Variants in PPP1R14C observed in about 807,000 individuals in gnomAD.
The protein encoded by PPP1R14C is protein phosphatase 1 regulatory subunit 14C.
Under a neutral mutation model 20.4 loss-of-function variants are expected in PPP1R14C, and 16 were observed. That is an observed-to-expected ratio of 0.78 (90% CI 0.53 to 1.19). PPP1R14C has a LOEUF of 1.19. PPP1R14C is among the 50% of genes most tolerant of loss of function. PPP1R14C has a pLI of 0.00. For synonymous variants in PPP1R14C, 91 were observed against 91.0 expected (o/e 1.00, Z 0.00); for missense variants, 211 against 220.1 (o/e 0.96, Z 0.26).
chr6:150,200,874 G>A (rs989430351), intron 1 of PPP1R14C, among the ~76,000 whole-genome samples: 5 of 152,120 alleles, frequency 3.3e-5, no homozygotes, highest in Non-Finnish European at 7.3e-5. Flanking sequence ...GAGTTTCCTG[G>A]GCTCCAGCTG....
chr6:150,209,492 G>A (rs925552855), intron 1 of PPP1R14C, among the ~76,000 whole-genome samples: 2 of 152,028 alleles, frequency 1.3e-5, no homozygotes, highest in African/African-American at 4.8e-5. Flanking sequence ...GTGTATTCAT[G>A]TGTGTGTATG....
rs372921042 is a variant in PPP1R14C, at chr6:150,201,489, G to A, written c.307-13255G>A. ...CTGGGGAGTGTCCTGAGGGATCGGA[G>A]GAGACCAGCGGAGTTAGAGCTCAGG... On this transcript the variant is annotated intron_variant, in intron 1 of 3. Transcript: ENST00000361131. The surrounding 1 kb of genome is among the most constrained non-coding windows in gnomAD (Gnocchi z 4.2). Among the ~76,000 whole-genome samples the A allele has an allele frequency of 2.8e-3, 419 of 152,330 alleles. 2 individuals carry two copies. Among genetic ancestry groups the A allele is most frequent in the Non-Finnish European group, 4.7e-3 (321 of 68,040 alleles).
At chr6:150,239,947 G>A (rs1304620373) in intron 3 of PPP1R14C, among the ~76,000 whole-genome samples, 3 of 152,062 alleles carry the variant, frequency 2.0e-5, no homozygotes, top group Non-Finnish European at 4.4e-5. Context: ...CCAGCTACTC[G>A]GGAGGCTGAG....
intron 1 of PPP1R14C, among the ~76,000 whole-genome samples, chr6:150,212,865 T>C (rs962704031): frequency 6.6e-6 from 1 of 152,240 alleles, no homozygotes; most frequent in Non-Finnish European, 1.5e-5. Context: ...GGCTGTGCTA[T>C]ACAGCCTGGG....
At chr6:150,174,271 G>C (rs555144791) in intron 1 of PPP1R14C, among the ~76,000 whole-genome samples, 82 of 152,278 alleles carry the variant, frequency 5.4e-4, no homozygotes, top group Admixed American at 2.0e-3. Flanking sequence ...CCAGGCTGGA[G>C]TGCAGTGGTG....
At chr6:150,248,034 G>A (rs1778514709) in intron 3 of PPP1R14C, among the ~76,000 whole-genome samples, 1 of 152,150 alleles carries the variant, frequency 6.6e-6, no homozygotes, top group Non-Finnish European at 1.5e-5. Flanking sequence ...GCTGCGTCAT[G>A]TCATGGTGGA....
At chr6:150,236,098 G>C (rs1778356670) in intron 3 of PPP1R14C, among the ~76,000 whole-genome samples, 1 of 152,164 alleles carries the variant, frequency 6.6e-6, no homozygotes, top group South Asian at 2.1e-4. Context: ...GATCATCCCA[G>C]GTCCCTTTGG....
At chr6:150,223,515 C>T (rs972147608) in intron 3 of PPP1R14C, among the ~76,000 whole-genome samples, 5 of 152,184 alleles carry the variant, frequency 3.3e-5, no homozygotes, top group African/African-American at 1.2e-4. Flanking sequence ...TTAGTGTTGT[C>T]ATTGTTCTGG....
chr6:150,209,572 G>A (rs774788568), intron 1 of PPP1R14C, among the ~76,000 whole-genome samples: 3 of 151,754 alleles, frequency 2.0e-5, no homozygotes, highest in Non-Finnish European at 4.4e-5. Flanking sequence ...TCATCTGTGT[G>A]TATGTTTGTG....
chr6:150,203,801 G>A (rs1248389073), intron 1 of PPP1R14C, among the ~76,000 whole-genome samples: 2 of 152,154 alleles, frequency 1.3e-5, no homozygotes, highest in Non-Finnish European at 2.9e-5. Flanking sequence ...CCTTTCCACT[G>A]CAAATCTGGA....
rs958421642 is a variant in PPP1R14C at position 150,249,538 on chromosome 6, T to C, written c.*718T>C. 2 of 398,538 alleles carry C rather than the reference T, an allele frequency of 5.0e-6. No homozygotes were observed. The highest frequency in any genetic ancestry group is 8.8e-6 in the Non-Finnish European group (2 of 226,086). 24.7% of individuals were successfully genotyped at this position (398,538 alleles called of 1,614,324 possible). A position where few individuals can be genotyped will look rare whatever the true frequency, so the allele number is the denominator to read the frequency against. On this transcript the variant is annotated 3_prime_UTR_variant, in exon 4 of 4. Coordinates refer to ENST00000361131, the MANE Select transcript of PPP1R14C (RefSeq NM_030949.3). ...TCATTGGTTGGGATGCTTTGCCAGG[T>C]CATGTGCTTATTGTCTCATTTTGTA...
intron 2 of PPP1R14C, among the ~76,000 whole-genome samples, chr6:150,215,085 G>A (rs1401000007): frequency 1.3e-5 from 2 of 152,162 alleles, no homozygotes; most frequent in Non-Finnish European, 2.9e-5. Flanking sequence ...CATTTTCTTG[G>A]GAGAAACAGC....
chr6:150,164,240 G>T (rs933026747), intron 1 of PPP1R14C, among the ~76,000 whole-genome samples: 11 of 152,068 alleles, frequency 7.2e-5, no homozygotes, highest in Admixed American at 3.3e-4. Flanking sequence ...TTTGGGTTTG[G>T]GTTGTCTTTT....
chr6:150,199,841 C>G (rs1777854687), intron 1 of PPP1R14C, among the ~76,000 whole-genome samples: 1 of 150,290 alleles, frequency 6.7e-6, no homozygotes, highest in African/African-American at 2.5e-5. Flanking sequence ...TGTATTATAG[C>G]CTGGGTGACA....
chr6:150,233,645 C>T (rs1778319075), intron 3 of PPP1R14C, among the ~76,000 whole-genome samples: 1 of 152,210 alleles, frequency 6.6e-6, no homozygotes, highest in Admixed American at 6.5e-5. Context: ...CCCCTCCCAT[C>T]ACATGGTTCC....
At chr6:150,200,042 C>A (rs1355729048) in intron 1 of PPP1R14C, among the ~76,000 whole-genome samples, 1 of 152,154 alleles carries the variant, frequency 6.6e-6, no homozygotes, top group Non-Finnish European at 1.5e-5. Flanking sequence ...GGGTGCTTCA[C>A]ACTTTAATTT....
chr6:150,210,428 G>A (rs1481514538), intron 1 of PPP1R14C, among the ~76,000 whole-genome samples: 3 of 152,134 alleles, frequency 2.0e-5, no homozygotes, highest in African/African-American at 4.8e-5. Flanking sequence ...ATTTTTGCCA[G>A]GATCATCTTC....
chr6:150,172,911 C>T (rs2114870882), intron 1 of PPP1R14C, among the ~76,000 whole-genome samples: 1 of 152,174 alleles, frequency 6.6e-6, no homozygotes, highest in East Asian at 1.9e-4. Context: ...GTCTTCCCAT[C>T]AGCCATGCTG....
chr6:150,206,764 C>T (rs918607947), intron 1 of PPP1R14C, among the ~76,000 whole-genome samples: 12 of 152,062 alleles, frequency 7.9e-5, no homozygotes, highest in Non-Finnish European at 1.6e-4. Context: ...ACAAGAAAGG[C>T]GATTCCTGTA....
Sources: gnomAD v4.1 joint callset for allele counts (sites outside exome capture counted in the v4.1 genomes callset) on GRCh38, gnomAD v4.1.1 for gene constraint, Gnocchi (gnomAD v3.1) non-coding constraint, MANE v1.5 for transcripts, NCBI Gene and HGNC (gene_info 2026-07-23, HGNC 2026-07-21) for gene names.